The following CLOCK variants were observed in gnomAD, a reference collection of about 807,000 sequenced individuals.
CLOCK encodes the protein circadian locomoter output cycles protein kaput.
Under a neutral mutation model 118.4 loss-of-function variants are expected in CLOCK, and 43 were observed. The ratio of observed to expected loss-of-function variants is 0.36; its 90% CI spans 0.28 to 0.47. The LOEUF (loss-of-function observed/expected upper bound fraction) is 0.47, where lower values mean the gene tolerates loss of function less well. CLOCK is among the 20% of genes least tolerant of loss of function. The pLI is 1.00. For synonymous variants in CLOCK, 326 were observed against 339.2 expected, an observed-to-expected ratio of 0.96 and a Z score of 0.43; for missense variants, 846 against 999.9, an observed-to-expected ratio of 0.85 and a Z score of 2.08.
At chr4:55,480,890 CA>C (rs60541884) in intron 4 of CLOCK, among the ~76,000 whole-genome samples, 11 of 143,968 alleles carry the variant, frequency 7.6e-5, no homozygotes, top group Admixed American at 1.4e-4. Flanking sequence ...GACTCTGTCT[CA>C]AAAAAAAAAA....
chr4:55,436,594 G>A (rs1048130949), intron 22 of CLOCK, among the ~76,000 whole-genome samples: 1 of 152,164 alleles, frequency 6.6e-6, no homozygotes. Context: ...AAATGTATAT[G>A]AAAGAAACAT....
Position 55,478,934 on chromosome 4 carries a change from C to A in CLOCK, c.137G>T (p.Arg46Leu), listed in dbSNP as rs866960017. ...RVSRNKSEKKRRDQFNVLIKE... is the reference protein window; with the variant it reads ...RVSRNKSEKKLRDQFNVLIKE... ...AATGAGAACATTAAATTGATCTCTACGTTTCTTTTCAGATTTGTTTCTAGA... is the reference window on the plus strand; with the variant it reads ...AATGAGAACATTAAATTGATCTCTAAGTTTCTTTTCAGATTTGTTTCTAGA... Residue 46 changes from arginine to leucine, a missense_variant, in exon 6 of 23, where the codon CGT becomes CTT. Arg to Leu is a moderately radical substitution (Grantham distance 102, BLOSUM62 -2). Coordinates refer to ENST00000513440, the MANE Select transcript of CLOCK (RefSeq NM_004898.4). 6.2e-7 allele frequency: 1 copy of A among 1,600,404 alleles called. No individual in the cohort carries two copies. Among genetic ancestry groups the A allele is most frequent in the Non-Finnish European group, 8.5e-7 (1 of 1,171,232 alleles).
chr4:55,514,280 C>T (rs1729342777), intron 1 of CLOCK, among the ~76,000 whole-genome samples: 2 of 152,062 alleles, frequency 1.3e-5, no homozygotes, highest in East Asian at 1.9e-4. Context: ...TTTTAATCTT[C>T]CATTCATATC....
intron 2 of CLOCK, among the ~76,000 whole-genome samples, chr4:55,507,190 CTA>C (rs1343358344): frequency 6.6e-6 from 1 of 152,022 alleles, no homozygotes; most frequent in Non-Finnish European, 1.5e-5. Context: ...TGGTATGCAC[CTA>C]TAGTCTCAGC....
intron 1 of CLOCK, among the ~76,000 whole-genome samples, chr4:55,528,747 C>T (rs1247970288): frequency 6.6e-6 from 1 of 152,192 alleles, no homozygotes; most frequent in Non-Finnish European, 1.5e-5. Flanking sequence ...AAGCAAGGGC[C>T]AGTGTCACCT....
intron 8 of CLOCK, among the ~76,000 whole-genome samples, chr4:55,470,289 T>C (rs1297026010): frequency 1.3e-5 from 2 of 152,150 alleles, no homozygotes; most frequent in Non-Finnish European, 2.9e-5. Context: ...CTTTTCTATG[T>C]TTAGGTATTT....
At chr4:55,480,011 A>G (rs979918389) in intron 4 of CLOCK, among the ~76,000 whole-genome samples, 2 of 152,202 alleles carry the variant, frequency 1.3e-5, no homozygotes, top group Non-Finnish European at 2.9e-5. Context: ...AAACGTATAG[A>G]AAGTCAGTGT....
chr4:55,495,296 C>T (rs1261790446), intron 2 of CLOCK, among the ~76,000 whole-genome samples: 1 of 152,184 alleles, frequency 6.6e-6, no homozygotes, highest in Non-Finnish European at 1.5e-5. Flanking sequence ...CCTATTTCCT[C>T]AGTATTGTTG....
At chr4:55,441,399 G>T (rs1019128794) in intron 21 of CLOCK, among the ~76,000 whole-genome samples, 7 of 152,168 alleles carry the variant, frequency 4.6e-5, no homozygotes, top group Non-Finnish European at 8.8e-5. Flanking sequence ...CAAAGGAAAA[G>T]AAGTCACTGT....
intron 1 of CLOCK, among the ~76,000 whole-genome samples, chr4:55,525,927 C>G (rs548422764): frequency 6.7e-6 from 1 of 149,612 alleles, no homozygotes; most frequent in Non-Finnish European, 1.5e-5. Flanking sequence ...AGGGTTAATA[C>G]GAAAATGTTT....
At chr4:55,460,617 A>T (rs1203673217) in intron 9 of CLOCK, among the ~76,000 whole-genome samples, 1 of 152,170 alleles carries the variant, frequency 6.6e-6, no homozygotes, top group African/African-American at 2.4e-5. Context: ...TAGGTAACCG[A>T]AATATGTATT....
intron 1 of CLOCK, among the ~76,000 whole-genome samples, chr4:55,517,232 C>T (rs903884244): frequency 2.0e-5 from 3 of 152,064 alleles, no homozygotes; most frequent in Non-Finnish European, 2.9e-5. Flanking sequence ...TTCTTTTGGC[C>T]GGGCACGGTG....
chr4:55,516,601 G>T (rs1048973340), intron 1 of CLOCK, among the ~76,000 whole-genome samples: 4 of 152,014 alleles, frequency 2.6e-5, no homozygotes, highest in African/African-American at 7.2e-5. Context: ...TTTAAAGTGG[G>T]TTTTTTTGGT....
intron 21 of CLOCK, among the ~76,000 whole-genome samples, chr4:55,440,489 CTG>C (rs1004554458): frequency 1.3e-5 from 2 of 152,154 alleles, no homozygotes; most frequent in Non-Finnish European, 2.9e-5. Flanking sequence ...CATGACATAA[CTG>C]TATTTACAAA....
At chr4:55,451,453 A>T (rs1724444538) in intron 15 of CLOCK, among the ~76,000 whole-genome samples, 1 of 152,148 alleles carries the variant, frequency 6.6e-6, no homozygotes, top group Admixed American at 6.6e-5. Flanking sequence ...GTGCTCCAAG[A>T]CACACCCATC....
intron 2 of CLOCK, among the ~76,000 whole-genome samples, chr4:55,508,824 C>G (rs1321426300): frequency 6.6e-6 from 1 of 152,112 alleles, no homozygotes; most frequent in African/African-American, 2.4e-5. Context: ...GATATCCTGA[C>G]CTCATAATCT....
intron 1 of CLOCK, among the ~76,000 whole-genome samples, chr4:55,525,137 T>C (rs918865454): frequency 6.6e-6 from 1 of 152,160 alleles, no homozygotes; most frequent in Non-Finnish European, 1.5e-5. Flanking sequence ...GCTACAGGAA[T>C]ATAACCAATG....
At chr4:55,517,238 C>T (rs753988363) in intron 1 of CLOCK, among the ~76,000 whole-genome samples, 19 of 152,206 alleles carry the variant, frequency 1.2e-4, no homozygotes, top group Middle Eastern at 3.4e-3. Flanking sequence ...TGGCCGGGCA[C>T]GGTGGCTCAC....
At chr4:55,500,142 T>C (rs1228793580) in intron 2 of CLOCK, among the ~76,000 whole-genome samples, 1 of 152,042 alleles carries the variant, frequency 6.6e-6, no homozygotes, top group Non-Finnish European at 1.5e-5. Flanking sequence ...GCACTCAACA[T>C]GTACTTCTAC....
Sources: gnomAD v4.1 joint callset for allele counts (sites outside exome capture counted in the v4.1 genomes callset) on GRCh38, gnomAD v4.1.1 for gene constraint, MANE v1.5 for transcripts, NCBI Gene and HGNC (gene_info 2026-07-23, HGNC 2026-07-21) for gene names.